LRRTM4: variants seen among roughly 807,000 people sequenced by gnomAD.
LRRTM4 encodes leucine rich repeat transmembrane neuronal 4.
LRRTM4 carries 25 observed loss-of-function variants against 47.6 expected under a neutral mutation model. That is an observed-to-expected ratio of 0.53 (90% CI 0.38 to 0.73). The LOEUF (loss-of-function observed/expected upper bound fraction) is 0.73. Ranked by LOEUF, LRRTM4 falls within the 30% of genes least tolerant of loss-of-function variation. The pLI is 0.00. For missense variants in LRRTM4, 638 were observed against 713.4 expected, an observed-to-expected ratio of 0.89 and a Z score of 1.20; for synonymous variants, 311 against 269.5, an observed-to-expected ratio of 1.15 and a Z score of -1.51.
At chr2:77,039,400 G>C (rs537255868) in intron 3 of LRRTM4, among the ~76,000 whole-genome samples, 39 of 150,604 alleles carry the variant, frequency 2.6e-4, no homozygotes, top group Admixed American at 1.8e-3. Flanking sequence ...TTTTAATCAA[G>C]CTCTGTTTAA....
chr2:77,144,225 G>A (rs2103768928), intron 3 of LRRTM4, among the ~76,000 whole-genome samples: 1 of 152,114 alleles, frequency 6.6e-6, no homozygotes, highest in East Asian at 1.9e-4. Flanking sequence ...GGATCTTCTT[G>A]GGAAGTGCTG....
intron 3 of LRRTM4, among the ~76,000 whole-genome samples, chr2:77,198,025 G>A (rs996412863): frequency 1.3e-5 from 2 of 152,116 alleles, no homozygotes; most frequent in Admixed American, 6.6e-5. Context: ...ATGAATATCA[G>A]TTAGGCTAGA....
At chr2:77,193,576 G>A (rs1361584623) in intron 3 of LRRTM4, among the ~76,000 whole-genome samples, 2 of 151,848 alleles carry the variant, frequency 1.3e-5, no homozygotes, top group African/African-American at 4.8e-5. Flanking sequence ...TTGGGAAGCC[G>A]AGGCGGGCAG....
At chr2:76,805,381 T>A (rs1675916593) in intron 3 of LRRTM4, among the ~76,000 whole-genome samples, 1 of 152,264 alleles carries the variant, frequency 6.6e-6, no homozygotes, top group Middle Eastern at 3.4e-3. Context: ...AAGAAAAAAC[T>A]ACTTAAATAA....
intron 3 of LRRTM4, among the ~76,000 whole-genome samples, chr2:77,355,052 A>G (rs1483690690): frequency 6.6e-6 from 1 of 152,226 alleles, no homozygotes; most frequent in Non-Finnish European, 1.5e-5. Context: ...ATTGAATATG[A>G]GAAAGAACAT....
chr2:77,349,078 A>C (rs982131570), intron 3 of LRRTM4, among the ~76,000 whole-genome samples: 3 of 151,920 alleles, frequency 2.0e-5, no homozygotes, highest in Non-Finnish European at 4.4e-5. Context: ...TTTTTTAATC[A>C]ACAGTGTTTT....
chr2:76,935,396 T>C (rs1160156347), intron 3 of LRRTM4, among the ~76,000 whole-genome samples: 1 of 152,122 alleles, frequency 6.6e-6, no homozygotes, highest in Non-Finnish European at 1.5e-5. Flanking sequence ...AGAAAGTCAA[T>C]GGTAGCTTGA....
intron 3 of LRRTM4, among the ~76,000 whole-genome samples, chr2:77,399,918 T>C (rs1035388782): frequency 6.6e-6 from 1 of 151,872 alleles, no homozygotes; most frequent in South Asian, 2.1e-4. Context: ...AAGTCAGACA[T>C]CTGGGCTTGA....
intron 3 of LRRTM4, among the ~76,000 whole-genome samples, chr2:76,947,596 T>TA (rs915680223): frequency 5.9e-5 from 9 of 151,684 alleles, no homozygotes; most frequent in Non-Finnish European, 8.9e-5. Flanking sequence ...TAGACTAAAA[T>TA]AAAAAAAATG....
intron 3 of LRRTM4, among the ~76,000 whole-genome samples, chr2:77,016,880 T>C (rs896598617): frequency 1.3e-5 from 2 of 152,034 alleles, no homozygotes; most frequent in South Asian, 2.1e-4. Flanking sequence ...TTATTGACTT[T>C]TTTTTTTTTA....
At chr2:77,398,593 T>C (rs1673799626) in intron 3 of LRRTM4, among the ~76,000 whole-genome samples, 1 of 151,804 alleles carries the variant, frequency 6.6e-6, no homozygotes, top group South Asian at 2.1e-4. Context: ...AAATAATGGA[T>C]TGTGTGTGAA....
At chr2:76,894,617 G>T (rs1327513908) in intron 3 of LRRTM4, among the ~76,000 whole-genome samples, 1 of 151,796 alleles carries the variant, frequency 6.6e-6, no homozygotes, top group Admixed American at 6.6e-5. Flanking sequence ...ATGGGCAAAG[G>T]CTCTGAATTA....
rs371994965 is a variant in LRRTM4, at chr2:77,273,563, A to G, written c.1551+244755T>C. Among the ~76,000 whole-genome samples the G allele has an allele frequency of 5.5e-4, 84 of 152,312 alleles. 1 individual carries two copies. In the South Asian group the frequency reaches 0.017, roughly 31 times the overall value. On this transcript the variant is annotated intron_variant, in intron 3 of 3. Coordinates refer to ENST00000409884, the MANE Select transcript of LRRTM4 (RefSeq NM_001134745.3). ...GTGGGGGTTATTATTTAGGAAACCTATAATAAGACAAACAGGAATTTCAGA... is the reference window on the plus strand; with the variant it reads ...GTGGGGGTTATTATTTAGGAAACCTGTAATAAGACAAACAGGAATTTCAGA...
At chr2:76,946,927 T>A (rs1011210265) in intron 3 of LRRTM4, among the ~76,000 whole-genome samples, 9 of 151,906 alleles carry the variant, frequency 5.9e-5, no homozygotes, top group African/African-American at 2.2e-4. Flanking sequence ...CATACACAGC[T>A]GGACAGAAGG....
rs578055164 is a variant in LRRTM4 at position 77,417,134 on chromosome 2, T to A, written c.1551+101184A>T. Among the ~76,000 whole-genome samples, 4 of 152,126 alleles carry A rather than the reference T, an allele frequency of 2.6e-5. No homozygotes were observed. In the South Asian group the frequency reaches 8.3e-4, roughly 32 times the overall value. On this transcript the variant is annotated intron_variant, in intron 3 of 3. Coordinates refer to ENST00000409884, the MANE Select transcript of LRRTM4 (RefSeq NM_001134745.3). Reference sequence around the variant, plus strand: ...GACATTTATGCAGACAAAAGACACATGAAAAAATGCTCATCATCACTGGCC... The same window carrying A: ...GACATTTATGCAGACAAAAGACACAAGAAAAAATGCTCATCATCACTGGCC...
At chr2:77,340,169 G>T (rs909030459) in intron 3 of LRRTM4, among the ~76,000 whole-genome samples, 1 of 151,786 alleles carries the variant, frequency 6.6e-6, no homozygotes, top group African/African-American at 2.4e-5. Context: ...CATCTGTTTG[G>T]TATCACTAAA....
chr2:76,962,510 T>C (rs895733134), intron 3 of LRRTM4, among the ~76,000 whole-genome samples: 6 of 150,960 alleles, frequency 4.0e-5, no homozygotes, highest in Non-Finnish European at 7.4e-5. Flanking sequence ...AATGAAAGTG[T>C]ATTTTTTTTT....
Position 76,912,443 on chromosome 2 carries a change from T to C in LRRTM4, c.1552-163527A>G, listed in dbSNP as rs565988692. Among the ~76,000 whole-genome samples, 16 of 152,300 alleles carry C rather than the reference T, an allele frequency of 1.1e-4. No individual in the cohort carries two copies. The East Asian group carries it at 3.1e-3, about 29-fold the overall frequency. The stretch of plus-strand genomic sequence containing the variant: ...GAAATAGTGCTTGGATAAGTCTCAT[T>C]ATAAAATTTGATCCACTTTAATTAC... On this transcript the variant is annotated intron_variant, in intron 3 of 3. Transcript: ENST00000409884.
At chr2:77,312,074 T>G (rs1028381330) in intron 3 of LRRTM4, among the ~76,000 whole-genome samples, 5 of 152,132 alleles carry the variant, frequency 3.3e-5, no homozygotes, top group African/African-American at 1.2e-4. Context: ...ACCCCCACCT[T>G]GGACCCATAA....
Sources: allele counts gnomAD v4.1 joint callset (sites outside exome capture counted in the v4.1 genomes callset), GRCh38; gene constraint gnomAD v4.1.1; transcripts MANE v1.5; gene names NCBI Gene and HGNC (gene_info 2026-07-23, HGNC 2026-07-21).